Variants in PLEKHA2 observed in about 807,000 individuals in gnomAD.
PLEKHA2 encodes the protein pleckstrin homology domain-containing family A member 2.
A neutral mutation model predicts 53.2 loss-of-function variants in PLEKHA2; 28 were observed. The ratio of observed to expected loss-of-function variants is 0.53; its 90% CI spans 0.39 to 0.72. The LOEUF is 0.72. PLEKHA2 is among the 30% of genes least tolerant of loss of function. The pLI is 0.00. For synonymous variants in PLEKHA2, 193 were observed against 196.4 expected, an observed-to-expected ratio of 0.98 and a Z score of 0.14; for missense variants, 426 against 537.9, an observed-to-expected ratio of 0.79 and a Z score of 2.06.
chr8:38,904,547 T>C (rs1833841971), intron 1 of PLEKHA2, among the ~76,000 whole-genome samples: 2 of 152,260 alleles, frequency 1.3e-5, no homozygotes, highest in South Asian at 4.1e-4. Flanking sequence ...CAGCTTGCCT[T>C]GGAAACTGAC....
intron 2 of PLEKHA2, among the ~76,000 whole-genome samples, chr8:38,927,162 A>G (rs6983486): frequency 0.081 from 12,370 of 152,176 alleles, 737 homozygotes; most frequent in East Asian, 0.19. Context: ...ACATTTGTTC[A>G]ATGTATTTAT....
At chr8:38,933,145 G>A (rs753057557) in intron 2 of PLEKHA2, among the ~76,000 whole-genome samples, 1 of 152,162 alleles carries the variant, frequency 6.6e-6, no homozygotes, top group East Asian at 1.9e-4. Flanking sequence ...CTAGAGCTCC[G>A]GAGGCTGCTG....
chr8:38,919,785 G>A (rs1044448059), intron 2 of PLEKHA2, among the ~76,000 whole-genome samples: 4 of 152,258 alleles, frequency 2.6e-5, no homozygotes, highest in African/African-American at 9.6e-5. Flanking sequence ...TGAGCCCCAT[G>A]TTTCACCCTG....
chr8:38,948,022 A>G (rs571177908), intron 5 of PLEKHA2, among the ~76,000 whole-genome samples: 6 of 147,056 alleles, frequency 4.1e-5, no homozygotes, highest in Admixed American at 2.1e-4. Flanking sequence ...GGAGCTGGAG[A>G]TTGCAGTGAG....
intron 5 of PLEKHA2, among the ~76,000 whole-genome samples, chr8:38,947,001 C>T (rs1834727316): frequency 6.6e-6 from 1 of 152,140 alleles, no homozygotes; most frequent in South Asian, 2.1e-4. Flanking sequence ...AAATTATCCT[C>T]CCAGATTTCT....
At chr8:38,969,277 G>C in intron 11 of PLEKHA2, 144 bp from the exon 12 acceptor site, 2 of 960,138 alleles carry the variant, frequency 2.1e-6, no homozygotes, top group Non-Finnish European at 1.5e-6. Context: ...GAATCCTTTT[G>C]ACTGTATTTC....
chr8:38,931,381 CG>C (rs1226543861), intron 2 of PLEKHA2, among the ~76,000 whole-genome samples: 2 of 152,214 alleles, frequency 1.3e-5, no homozygotes, highest in African/African-American at 4.8e-5. Context: ...TCTGCTCAGA[CG>C]CCTTCATCTT....
chr8:38,903,499 G>A (rs1387798631), intron 1 of PLEKHA2, among the ~76,000 whole-genome samples: 1 of 152,172 alleles, frequency 6.6e-6, no homozygotes, highest in East Asian at 1.9e-4. Flanking sequence ...TTTTTGAGTG[G>A]TTAAAATAAA....
chr8:38,950,152 C>T (rs969633765), intron 5 of PLEKHA2, among the ~76,000 whole-genome samples: 2 of 152,152 alleles, frequency 1.3e-5, no homozygotes, highest in Non-Finnish European at 1.5e-5. Flanking sequence ...AGAGATTCTC[C>T]TACCTTGGCC....
intron 1 of PLEKHA2, among the ~76,000 whole-genome samples, chr8:38,904,221 C>T (rs1209463989): frequency 3.9e-5 from 6 of 152,180 alleles, no homozygotes; most frequent in African/African-American, 1.4e-4. Context: ...GCCCTGACCC[C>T]AGTTGACTGA....
chr8:38,943,451 A>G (rs1007725080), intron 3 of PLEKHA2, among the ~76,000 whole-genome samples: 8 of 152,102 alleles, frequency 5.3e-5, no homozygotes, highest in Non-Finnish European at 1.2e-4. Context: ...GCACCACTGT[A>G]CTCCAGCCTG....
chr8:38,926,287 TA>T (rs200140390), intron 2 of PLEKHA2, among the ~76,000 whole-genome samples: 5 of 148,540 alleles, frequency 3.4e-5, no homozygotes, highest in South Asian at 2.1e-4. Context: ...AATCCTTTGG[TA>T]AAAAAAAAAT....
chr8:38,969,421 G>A lies in PLEKHA2; in HGVS notation c.916G>A (p.Glu306Lys), dbSNP rs1835200336. The change falls in exon 12 of 12, where the codon GAA (glutamate) becomes AAA (lysine). Residue 306 changes from glutamate (E) to lysine (K), a missense_variant and splice_region_variant. Glu to Lys is a moderately conservative substitution (Grantham distance 56, BLOSUM62 1). Coordinates refer to ENST00000617275, the MANE Select transcript of PLEKHA2 (RefSeq NM_021623.2). The part of the protein sequence containing the change: ...AVQALKCHPR[E>K]TSFSRSISLT... ...CTTTTTCTTCCTTTTATTTTTATAG[G>A]AAACGTCCTTTTCTAGATCCATTTC... The A allele has an allele frequency of 1.2e-6, 2 of 1,605,312 alleles. No individual in the cohort carries two copies. The highest frequency in any genetic ancestry group is 1.3e-5 in the African/African-American group (1 of 74,090).
intron 1 of PLEKHA2, among the ~76,000 whole-genome samples, chr8:38,916,079 G>A (rs565060583): frequency 6.6e-6 from 1 of 152,214 alleles, no homozygotes; most frequent in African/African-American, 2.4e-5. Context: ...GAGTTCAAGC[G>A]ATTCTCCTAC....
intron 2 of PLEKHA2, 114 bp downstream of exon 2, chr8:38,918,184 C>A: frequency 7.3e-7 from 1 of 1,377,592 alleles, no homozygotes; most frequent in African/African-American, 1.4e-5. Context: ...ACCTGCTGAT[C>A]AGCAGGGAGG....
chr8:38,903,287 G>T (rs1833821037), intron 1 of PLEKHA2, among the ~76,000 whole-genome samples: 1 of 152,184 alleles, frequency 6.6e-6, no homozygotes, highest in Non-Finnish European at 1.5e-5. Context: ...TTAGCTAGCT[G>T]GTAATGGGAG....
At chr8:38,961,534 C>T (rs139296681) in intron 10 of PLEKHA2, among the ~76,000 whole-genome samples, 2,249 of 152,080 alleles carry the variant, frequency 0.015, 48 homozygotes, top group African/African-American at 0.052. Flanking sequence ...GAGACTCTGT[C>T]TCAAAAAATT....
chr8:38,952,192 T>C lies in PLEKHA2; in HGVS notation c.513T>C (p.Ser171=). The change falls in exon 7 of 12, where the codon AGT becomes AGC. Residue 171 remains serine, a synonymous_variant. Coordinates refer to ENST00000617275, the MANE Select transcript of PLEKHA2 (RefSeq NM_021623.2). ...ACGGTGGGGATGGGCAGGAAGGGAGTGAGCCCGGGTCCCACACCATCCTTC... is the reference window on the plus strand; with the variant it reads ...ACGGTGGGGATGGGCAGGAAGGGAGCGAGCCCGGGTCCCACACCATCCTTC... ...SQNGGDGQEG[S]EPGSHTILRR... is the part of the protein sequence containing the mutation. The C allele has an allele frequency of 1.2e-6, 2 of 1,612,896 alleles. No homozygotes were observed. The highest frequency in any genetic ancestry group is 1.7e-6 in the Non-Finnish European group (2 of 1,179,558).
intron 4 of PLEKHA2, among the ~76,000 whole-genome samples, chr8:38,944,514 A>G (rs937670740): frequency 7.2e-5 from 11 of 151,750 alleles, no homozygotes; most frequent in African/African-American, 2.7e-4. Flanking sequence ...GAAAAAAAAA[A>G]GAGGTTTAAT....
Sources: allele counts gnomAD v4.1 joint callset (sites outside exome capture counted in the v4.1 genomes callset), GRCh38; gene constraint gnomAD v4.1.1; transcripts MANE v1.5; gene names NCBI Gene and HGNC (gene_info 2026-07-23, HGNC 2026-07-21).